NCKAP5: variants seen among roughly 807,000 people sequenced by gnomAD.
NCKAP5 encodes the protein NCK associated protein 5, also known as nck-associated protein 5.
Under a neutral mutation model 167.0 loss-of-function variants are expected in NCKAP5, and 92 were observed. The observed-to-expected ratio is 0.55, with a 90% CI of 0.47 to 0.66. The LOEUF is 0.66. Ranked by LOEUF, NCKAP5 falls within the 30% of genes least tolerant of loss-of-function variation. NCKAP5 has a pLI of 0.00. For synonymous variants in NCKAP5, 891 were observed against 877.4 expected, an observed-to-expected ratio of 1.02 and a Z score of -0.27; for missense variants, 2,378 against 2,315.0, an observed-to-expected ratio of 1.03 and a Z score of -0.56.
At chr2:133,340,855 A>G (rs1683529372) in intron 3 of NCKAP5, among the ~76,000 whole-genome samples, 2 of 152,148 alleles carry the variant, frequency 1.3e-5, no homozygotes, top group Admixed American at 6.5e-5. Context: ...TCTTATGCTT[A>G]TTGCACCTGT....
intron 5 of NCKAP5, among the ~76,000 whole-genome samples, chr2:133,190,031 T>A (rs536076834): frequency 1.3e-5 from 2 of 152,244 alleles, no homozygotes; most frequent in African/African-American, 4.8e-5. Context: ...AACCCCATCA[T>A]CTCAACCCAA....
At chr2:132,739,676 G>T (rs78763135) in intron 16 of NCKAP5, among the ~76,000 whole-genome samples, 2,225 of 152,254 alleles carry the variant, frequency 0.015, 46 homozygotes, top group African/African-American at 0.05. Context: ...TTACACTGCA[G>T]CATCTGGGTA....
At chr2:132,816,268 T>G (rs978405919) in intron 11 of NCKAP5, among the ~76,000 whole-genome samples, 148 of 152,130 alleles carry the variant, frequency 9.7e-4, no homozygotes, top group African/African-American at 3.5e-3. Flanking sequence ...AATCACCCTT[T>G]CGGCAGCAAG....
At chr2:133,229,824 A>G (rs892252136) in intron 4 of NCKAP5, among the ~76,000 whole-genome samples, 1 of 152,098 alleles carries the variant, frequency 6.6e-6, no homozygotes, top group African/African-American at 2.4e-5. Context: ...AACCTCCATG[A>G]ATTTCATGGG....
intron 3 of NCKAP5, among the ~76,000 whole-genome samples, chr2:133,307,239 A>C (rs899941270): frequency 1.3e-5 from 2 of 152,256 alleles, no homozygotes; most frequent in Non-Finnish European, 2.9e-5. Flanking sequence ...ATCTGTAACT[A>C]AATTAAGAAA....
At chr2:133,069,125 C>T (rs902927441) in intron 6 of NCKAP5, among the ~76,000 whole-genome samples, 6 of 152,238 alleles carry the variant, frequency 3.9e-5, no homozygotes, top group South Asian at 2.1e-4. Context: ...GAGATATTCA[C>T]GGTTCAATGG....
chr2:133,179,519 G>C (rs962487457), intron 5 of NCKAP5, among the ~76,000 whole-genome samples: 7 of 152,062 alleles, frequency 4.6e-5, no homozygotes, highest in Non-Finnish European at 1.0e-4. Context: ...CGAGAAGACA[G>C]AGATGTTTGA....
intron 6 of NCKAP5, among the ~76,000 whole-genome samples, chr2:133,102,022 G>A: frequency 6.6e-6 from 1 of 152,178 alleles, no homozygotes; most frequent in East Asian, 1.9e-4. Flanking sequence ...TAAAAGACTG[G>A]AAAAGTGATT....
At chr2:133,469,281 G>C (rs558852160) in intron 3 of NCKAP5, among the ~76,000 whole-genome samples, 1 of 151,658 alleles carries the variant, frequency 6.6e-6, no homozygotes, top group African/African-American at 2.4e-5. Context: ...GCTTAGTTTG[G>C]CTGGATATGA....
chr2:132,929,017 G>C (rs1435135302), intron 8 of NCKAP5, among the ~76,000 whole-genome samples: 1 of 151,976 alleles, frequency 6.6e-6, no homozygotes, highest in Non-Finnish European at 1.5e-5. Context: ...GCTGCACATA[G>C]TGGTGTGCAC....
intron 16 of NCKAP5, among the ~76,000 whole-genome samples, chr2:132,751,675 A>G (rs977909432): frequency 1.3e-5 from 2 of 152,160 alleles, no homozygotes; most frequent in Admixed American, 6.5e-5. Flanking sequence ...GCTGGTCCCA[A>G]TATCTGTCTG....
intron 2 of NCKAP5, among the ~76,000 whole-genome samples, chr2:133,555,922 A>G (rs1037022506): frequency 6.6e-6 from 1 of 152,348 alleles, no homozygotes; most frequent in East Asian, 1.9e-4. Flanking sequence ...GAGTCACACA[A>G]TGGAATATTA....
At chr2:133,461,144 G>T (rs1033872581) in intron 3 of NCKAP5, among the ~76,000 whole-genome samples, 13 of 152,082 alleles carry the variant, frequency 8.5e-5, no homozygotes, top group Non-Finnish European at 1.6e-4. Context: ...GGCGGGAAAT[G>T]ACAGCAGGTC....
chr2:133,064,922 G>A (rs1245375212), intron 6 of NCKAP5, among the ~76,000 whole-genome samples: 3 of 152,120 alleles, frequency 2.0e-5, no homozygotes, highest in Admixed American at 2.0e-4. Flanking sequence ...ATGTAACTGA[G>A]GATATATTAG....
chr2:133,026,806 A>T (rs1011883204), intron 6 of NCKAP5, among the ~76,000 whole-genome samples: 10 of 152,128 alleles, frequency 6.6e-5, no homozygotes, highest in African/African-American at 2.4e-4. Context: ...AGTTCCTATC[A>T]CTGTGGTCCA....
chr2:133,289,398 T>A lies in NCKAP5; in HGVS notation c.143+13639A>T, dbSNP rs536571949. ...TCTGTTTGGCAGCCCGGGTCATTGT[T>A]ATTTGTGCTAAGCTCCTATATTATT... On this transcript the variant is annotated intron_variant, in intron 4 of 19. Coordinates refer to ENST00000409261, the MANE Select transcript of NCKAP5 (RefSeq NM_207363.3). 8.2e-4 allele frequency among the ~76,000 whole-genome samples: 86 copies of A among 104,324 alleles called. 1 individual carries two copies. Among genetic ancestry groups the A allele is most frequent in the Admixed American group, 1.8e-3 (16 of 9,066 alleles). 68.4% of individuals were successfully genotyped at this position (104,324 alleles called of 152,430 possible).
At chr2:133,402,783 C>T (rs1013668253) in intron 3 of NCKAP5, among the ~76,000 whole-genome samples, 2 of 152,140 alleles carry the variant, frequency 1.3e-5, no homozygotes, top group African/African-American at 4.8e-5. Context: ...GAAGCAGATG[C>T]CAGCACCATG....
intron 5 of NCKAP5, among the ~76,000 whole-genome samples, chr2:133,154,040 C>T (rs777580345): frequency 1.3e-5 from 2 of 151,930 alleles, no homozygotes; most frequent in Non-Finnish European, 2.9e-5. Context: ...CGGGGTTTTG[C>T]CATTTTGGCC....
the NCKAP5 span, among the ~76,000 whole-genome samples, chr2:133,610,132 T>C: frequency 6.6e-6 from 1 of 152,222 alleles, no homozygotes; most frequent in Non-Finnish European, 1.5e-5. Context: ...AAGCTTAATA[T>C]GAGTTCTTGC....
Sources: gnomAD v4.1 joint callset for allele counts (sites outside exome capture counted in the v4.1 genomes callset) on GRCh38, gnomAD v4.1.1 for gene constraint, MANE v1.5 for transcripts, NCBI Gene and HGNC (gene_info 2026-07-23, HGNC 2026-07-21) for gene names.